The following CHST3 variants were observed in gnomAD, a reference collection of about 807,000 sequenced individuals.
CHST3 encodes the protein C6ST-1.
CHST3 carries 20 observed loss-of-function variants against 35.4 expected under a neutral mutation model. The observed-to-expected ratio is 0.57, with a 90% CI of 0.40 to 0.82. CHST3 has a LOEUF of 0.82. CHST3 is among the 40% of genes least tolerant of loss of function. The probability of loss-of-function intolerance (pLI) is 0.00; values close to 1 mark genes in which losing one functional copy is unlikely to be tolerated. For missense variants in CHST3, 693 were observed against 670.1 expected, an observed-to-expected ratio of 1.03 and a Z score of -0.38; for synonymous variants, 334 against 295.9, an observed-to-expected ratio of 1.13 and a Z score of -1.32.
At chr10:72,006,299 AC>A (rs1274883447) in intron 2 of CHST3, among the ~76,000 whole-genome samples, 6 of 152,218 alleles carry the variant, frequency 3.9e-5, no homozygotes, top group African/African-American at 1.4e-4. Context: ...TAATAATGGG[AC>A]CAGCATTGTT....
At chr10:71,989,303 G>A (rs935649318) in intron 1 of CHST3, among the ~76,000 whole-genome samples, 13 of 152,080 alleles carry the variant, frequency 8.5e-5, no homozygotes, top group East Asian at 1.9e-4. Context: ...TAAAAATAGC[G>A]AGGTGTGGTG....
chr10:72,008,804 A>G lies in CHST3; in HGVS notation c.*333A>G. Reference sequence around the variant, plus strand: ...TGGAGACCCTGCAGGCCAGAGTCCAAATATTTAACAATCAGAAGGGGCAAG... The same window carrying G: ...TGGAGACCCTGCAGGCCAGAGTCCAGATATTTAACAATCAGAAGGGGCAAG... On this transcript the variant is annotated 3_prime_UTR_variant, in exon 3 of 3. Coordinates refer to ENST00000373115, the MANE Select transcript of CHST3 (RefSeq NM_004273.5). 4.2e-6 allele frequency: 1 copy of G among 235,990 alleles called. No individual in the cohort carries two copies. The highest frequency in any genetic ancestry group is 8.2e-6 in the Non-Finnish European group (1 of 121,988). 14.6% of individuals were successfully genotyped at this position (235,990 alleles called of 1,614,324 possible). A position where few individuals can be genotyped will look rare whatever the true frequency, so the allele number is the denominator to read the frequency against.
Position 71,964,689 on chromosome 10 carries a change from G to T in CHST3, c.-113G>T, listed in dbSNP as rs976825289. 1 of 152,026 alleles carries T rather than the reference G, an allele frequency of 6.6e-6. No homozygotes were observed. The highest frequency in any genetic ancestry group is 2.4e-5 in the African/African-American group (1 of 41,430). The allele number at this position is 152,026 out of a possible 1,614,324, so 9.4% of individuals were successfully genotyped here. ...CGGGGCCGCCGGTGGAGTCTCGGCG[G>T]CCGGGGTAAGTGGGGCGCCGGCGTC... is the stretch of plus-strand genomic sequence containing the variant. On this transcript the variant is annotated 5_prime_UTR_variant, in exon 1 of 3. Transcript: ENST00000373115.
chr10:71,984,938 A>T (rs1839834103), intron 1 of CHST3, among the ~76,000 whole-genome samples: 1 of 152,128 alleles, frequency 6.6e-6, no homozygotes, highest in African/African-American at 2.4e-5. Flanking sequence ...TCACTCAGAG[A>T]TTCTTTAGGT....
In CHST3 at chr10:72,006,094, C is replaced by T. The variant is rs1010873733; in HGVS notation, c.140+112C>T. 4.4e-6 allele frequency: 6 copies of T among 1,349,440 alleles called. No individual in the cohort carries two copies. The African/African-American group carries it at 7.1e-5, about 16-fold the overall frequency. The allele number at this position is 1,349,440 out of a possible 1,614,324, so 83.6% of individuals were successfully genotyped here. On this transcript the variant is annotated intron_variant, in intron 2 of 2. Transcript: ENST00000373115. ...CTGCAAATGCATTCCTTCAACGAGC[C>T]ATCCCCAGGCCCCTTCTATGTCCCA...
intron 1 of CHST3, among the ~76,000 whole-genome samples, chr10:72,002,848 CA>C (rs1442064800): frequency 6.6e-6 from 1 of 152,232 alleles, no homozygotes; most frequent in African/African-American, 2.4e-5. Flanking sequence ...GCACCAGCCT[CA>C]CCATTGATTT....
chr10:71,986,740 C>T (rs1270398891), intron 1 of CHST3, among the ~76,000 whole-genome samples: 3 of 152,090 alleles, frequency 2.0e-5, no homozygotes, highest in Non-Finnish European at 2.9e-5. Flanking sequence ...AAGATAAACC[C>T]GAAGTGGATC....
At chr10:71,975,285 C>T (rs1839734401) in intron 1 of CHST3, among the ~76,000 whole-genome samples, 2 of 152,066 alleles carry the variant, frequency 1.3e-5, no homozygotes, top group South Asian at 4.2e-4. Context: ...TCCCCGAGGC[C>T]CAGAGAGGTT....
intron 1 of CHST3, among the ~76,000 whole-genome samples, chr10:71,977,673 TTG>T (rs1839760151): frequency 6.6e-6 from 1 of 151,040 alleles, no homozygotes; most frequent in South Asian, 2.1e-4. Context: ...GATTGTTTGT[TTG>T]TTTGTTTGTT....
At chr10:71,991,211 A>G (rs1461456629) in intron 1 of CHST3, among the ~76,000 whole-genome samples, 1 of 152,222 alleles carries the variant, frequency 6.6e-6, no homozygotes, top group Non-Finnish European at 1.5e-5. Context: ...GAGTCTGGGC[A>G]ATGTGGAGGA....
chr10:71,972,201 G>C (rs183973675), intron 1 of CHST3, among the ~76,000 whole-genome samples: 1 of 152,160 alleles, frequency 6.6e-6, no homozygotes, highest in Non-Finnish European at 1.5e-5. Flanking sequence ...TGCCACAGCC[G>C]GTGAGGGGCA....
At chr10:71,977,959 G>A (rs1286808355) in intron 1 of CHST3, among the ~76,000 whole-genome samples, 3 of 152,170 alleles carry the variant, frequency 2.0e-5, no homozygotes, top group South Asian at 2.1e-4. Context: ...AGTCCATGAA[G>A]CATTCAGCAA....
At chr10:71,986,979 A>G (rs570907730) in intron 1 of CHST3, among the ~76,000 whole-genome samples, 5 of 152,232 alleles carry the variant, frequency 3.3e-5, no homozygotes, top group African/African-American at 4.8e-5. Context: ...TCCTCACCCA[A>G]CGTCAGCAGA....
At position 72,007,937 on chromosome 10, in the gene CHST3, C is replaced by T; in HGVS notation, c.906C>T (p.Asp302=). The change falls in exon 3 of 3, where the codon GAC becomes GAT. Residue 302 remains aspartate (D), a synonymous_variant. Transcript: ENST00000373115. ...LDLRVIQLVR[D]PRAVLASRMV... Reference sequence around the variant, plus strand: ...TGCGCGTCATCCAGCTGGTGCGCGACCCCCGGGCCGTGCTGGCCTCGCGCA... The same window carrying T: ...TGCGCGTCATCCAGCTGGTGCGCGATCCCCGGGCCGTGCTGGCCTCGCGCA... 6.4e-7 allele frequency: 1 copy of T among 1,550,810 alleles called. No individual in the cohort carries two copies. Among genetic ancestry groups the T allele is most frequent in the Non-Finnish European group, 8.7e-7 (1 of 1,147,300 alleles).
rs887721794 is a variant in CHST3 at position 72,008,675 on chromosome 10, T to G, written c.*204T>G. 2.7e-6 allele frequency: 3 copies of G among 1,129,780 alleles called. No individual in the cohort carries two copies. The African/African-American group carries it at 4.7e-5, about 18-fold the overall frequency. 70.0% of individuals were successfully genotyped at this position (1,129,780 alleles called of 1,614,324 possible). On this transcript the variant is annotated 3_prime_UTR_variant, in exon 3 of 3. Transcript: ENST00000373115. Reference sequence around the variant, plus strand: ...CAGTGCCCGGTCCCCTTGAGGGCCATCACACCCAGACCCAACGGGTTGCAG... The same window carrying G: ...CAGTGCCCGGTCCCCTTGAGGGCCAGCACACCCAGACCCAACGGGTTGCAG...
intron 1 of CHST3, among the ~76,000 whole-genome samples, chr10:71,987,740 G>A (rs111345130): frequency 1.4e-3 from 193 of 142,430 alleles, no homozygotes; most frequent in African/African-American, 4.6e-3. Flanking sequence ...AAAAGACAGA[G>A]GAAATAGAAG....
intron 1 of CHST3, among the ~76,000 whole-genome samples, chr10:71,968,410 C>T (rs544671343): frequency 6.6e-6 from 1 of 152,180 alleles, no homozygotes; most frequent in East Asian, 1.9e-4. Context: ...GCATAGTTTG[C>T]AAATATTTTC....
intron 1 of CHST3, among the ~76,000 whole-genome samples, chr10:71,989,050 T>C (rs935680415): frequency 3.8e-4 from 58 of 152,196 alleles, no homozygotes; most frequent in African/African-American, 1.0e-3. Context: ...TAATCCCATC[T>C]ACTCAGGAGG....
intron 1 of CHST3, among the ~76,000 whole-genome samples, chr10:71,977,067 C>G (rs1839752325): frequency 6.6e-6 from 1 of 152,210 alleles, no homozygotes; most frequent in South Asian, 2.1e-4. Flanking sequence ...CGAGGCACAA[C>G]CTGAAAAATA....
Sources: gnomAD v4.1 joint callset for allele counts (sites outside exome capture counted in the v4.1 genomes callset) on GRCh38, gnomAD v4.1.1 for gene constraint, MANE v1.5 for transcripts, NCBI Gene and HGNC (gene_info 2026-07-23, HGNC 2026-07-21) for gene names.